Variants in GPC6 observed in about 807,000 individuals in gnomAD.
GPC6 encodes glypican 6.
In GPC6, 14 loss-of-function variants were observed where a neutral mutation model predicts 55.2. That is an observed-to-expected ratio of 0.25 (90% CI 0.17 to 0.40). The LOEUF (loss-of-function observed/expected upper bound fraction) is 0.40. GPC6 is among the 10% of genes least tolerant of loss of function. The pLI is 1.00. For missense variants in GPC6, 641 were observed against 708.5 expected (o/e 0.90, Z 1.08); for synonymous variants, 278 against 259.6 (o/e 1.07, Z -0.68).
At chr13:93,281,989 G>C (rs1447907219) in intron 1 of GPC6, among the ~76,000 whole-genome samples, 1 of 152,102 alleles carries the variant, frequency 6.6e-6, no homozygotes, top group Non-Finnish European at 1.5e-5. Flanking sequence ...GAGGTGCGAA[G>C]GACCAATTTA....
Position 94,307,492 on chromosome 13 carries a change from T to C in GPC6, c.1152+1369T>C, listed in dbSNP as rs1479011381. Reference sequence around the variant, plus strand: ...CCACCATGCCCAGCTTTTTATTTTTTTGTAGAGGCGTGGTTTTGCCATGTT... The same window carrying C: ...CCACCATGCCCAGCTTTTTATTTTTCTGTAGAGGCGTGGTTTTGCCATGTT... On this transcript the variant is annotated intron_variant, in intron 6 of 8. Coordinates refer to ENST00000377047, the MANE Select transcript of GPC6 (RefSeq NM_005708.5). Among the ~76,000 whole-genome samples, 3 of 152,238 alleles carry C rather than the reference T, an allele frequency of 2.0e-5. No homozygotes were observed. The East Asian group carries it at 5.8e-4, about 29-fold the overall frequency.
intron 3 of GPC6, among the ~76,000 whole-genome samples, chr13:93,907,787 C>G (rs1876750783): frequency 1.3e-5 from 2 of 152,046 alleles, no homozygotes; most frequent in Admixed American, 1.3e-4. Context: ...AATTAAGAAA[C>G]AATTTGCTGT....
intron 1 of GPC6, among the ~76,000 whole-genome samples, chr13:93,276,481 AGAGAGAGAGAGAGAGTGTGTGT>A (rs1262897368): frequency 1.5e-5 from 2 of 134,084 alleles, no homozygotes; most frequent in African/African-American, 6.5e-5. Flanking sequence ...AGAGAGAGAG[AGAGAGAGAGAGAGAGTGTGTGT>A]GTGTGTGTGT....
chr13:93,341,639 G>A (rs2139151350), intron 1 of GPC6, among the ~76,000 whole-genome samples: 1 of 149,154 alleles, frequency 6.7e-6, no homozygotes, highest in Middle Eastern at 3.5e-3. Context: ...GTAGATTCTG[G>A]ATACTAGTCC....
At chr13:93,704,684 A>G (rs189352567) in intron 2 of GPC6, among the ~76,000 whole-genome samples, 39 of 152,082 alleles carry the variant, frequency 2.6e-4, no homozygotes, top group African/African-American at 9.2e-4. Context: ...TACAGAACCA[A>G]AGTGAGTCTG....
chr13:94,401,171 A>C (rs1272586513), intron 8 of GPC6, among the ~76,000 whole-genome samples: 1 of 152,176 alleles, frequency 6.6e-6, no homozygotes, highest in Non-Finnish European at 1.5e-5. Flanking sequence ...TTTATTCAGC[A>C]AGTATTTGTT....
intron 2 of GPC6, among the ~76,000 whole-genome samples, chr13:93,800,617 C>T (rs1886339000): frequency 6.6e-6 from 1 of 152,068 alleles, no homozygotes; most frequent in African/African-American, 2.4e-5. Flanking sequence ...GTTATGCTTG[C>T]CAGAAAAGCA....
intron 4 of GPC6, among the ~76,000 whole-genome samples, chr13:94,263,462 A>C (rs1566608172): frequency 6.6e-6 from 1 of 152,222 alleles, no homozygotes. Flanking sequence ...TGTGAAGATC[A>C]TGATGGTTTT....
intron 2 of GPC6, among the ~76,000 whole-genome samples, chr13:93,759,895 G>T (rs1884902368): frequency 6.6e-6 from 1 of 151,674 alleles, no homozygotes. Flanking sequence ...TTGACTCTAT[G>T]ATCTAGAATG....
intron 2 of GPC6, among the ~76,000 whole-genome samples, chr13:93,698,629 A>G (rs1303721863): frequency 6.6e-6 from 1 of 150,816 alleles, no homozygotes; most frequent in Non-Finnish European, 1.5e-5. Flanking sequence ...ACATTTCTGA[A>G]TTGATCATCT....
At chr13:93,836,412 C>A (rs559797909) in intron 3 of GPC6, among the ~76,000 whole-genome samples, 1 of 152,192 alleles carries the variant, frequency 6.6e-6, no homozygotes, top group African/African-American at 2.4e-5. Flanking sequence ...TTGTTTTGTC[C>A]TTCTGTGGTG....
chr13:93,596,533 C>G (rs1199370231), intron 2 of GPC6, among the ~76,000 whole-genome samples: 1 of 150,574 alleles, frequency 6.6e-6, no homozygotes, highest in East Asian at 2.0e-4. Context: ...GATTCTTATA[C>G]TTTGAAGTAA....
rs558961618 is a variant in GPC6, at chr13:94,155,313, A to T, written c.877+127419A>T. 9.9e-5 allele frequency among the ~76,000 whole-genome samples: 15 copies of T among 152,232 alleles called. No homozygotes were observed. The South Asian group carries it at 2.9e-3, about 29-fold the overall frequency. ...TGACCCAAGCCAGAAACGAGTTATC[A>T]TCTGGATTCTGCTCTCTCCTACACC... On this transcript the variant is annotated intron_variant, in intron 4 of 8. Transcript: ENST00000377047.
At chr13:93,710,576 A>T (rs1482261935) in intron 2 of GPC6, among the ~76,000 whole-genome samples, 2 of 151,776 alleles carry the variant, frequency 1.3e-5, no homozygotes, top group African/African-American at 4.8e-5. Flanking sequence ...AGGAATCGTT[A>T]TCTGTCCACT....
intron 2 of GPC6, among the ~76,000 whole-genome samples, chr13:93,807,714 A>G (rs1397899158): frequency 6.6e-6 from 1 of 152,198 alleles, no homozygotes; most frequent in African/African-American, 2.4e-5. Flanking sequence ...AAATACTTCA[A>G]GGCTGTGACG....
At chr13:93,892,596 A>G (rs1017232669) in intron 3 of GPC6, among the ~76,000 whole-genome samples, 2 of 152,176 alleles carry the variant, frequency 1.3e-5, no homozygotes, top group African/African-American at 4.8e-5. Flanking sequence ...AATTGCAATC[A>G]ATATTTTTTT....
chr13:93,678,148 A>T (rs1366744551), intron 2 of GPC6, among the ~76,000 whole-genome samples: 1 of 151,696 alleles, frequency 6.6e-6, no homozygotes, highest in Non-Finnish European at 1.5e-5. Context: ...ATTGTTCACC[A>T]TTTTTTTTCC....
At chr13:94,032,090 T>C (rs1386500699) in intron 4 of GPC6, among the ~76,000 whole-genome samples, 1 of 152,190 alleles carries the variant, frequency 6.6e-6, no homozygotes, top group Non-Finnish European at 1.5e-5. Context: ...TATCCCTAAG[T>C]GTTAGAGAAT....
At chr13:93,431,898 TC>T (rs1457399675) in intron 1 of GPC6, among the ~76,000 whole-genome samples, 1 of 152,208 alleles carries the variant, frequency 6.6e-6, no homozygotes, top group Non-Finnish European at 1.5e-5. Context: ...AACTTGTTTT[TC>T]TTGAATGGAT....
Sources: allele counts gnomAD v4.1 joint callset (sites outside exome capture counted in the v4.1 genomes callset), GRCh38; gene constraint gnomAD v4.1.1; transcripts MANE v1.5; gene names NCBI Gene and HGNC (gene_info 2026-07-23, HGNC 2026-07-21).